UNC5C: variants seen among roughly 807,000 people sequenced by gnomAD.
UNC5C encodes unc-5 netrin receptor C.
A neutral mutation model predicts 99.8 loss-of-function variants in UNC5C; 47 were observed. The ratio of observed to expected loss-of-function variants is 0.47; its 90% CI spans 0.37 to 0.60. The LOEUF (loss-of-function observed/expected upper bound fraction) is 0.60. Among genes scored for constraint, UNC5C ranks in the 20% least tolerant of loss-of-function variants. UNC5C has a pLI of 0.00. For missense variants in UNC5C, 1,062 were observed against 1,165.9 expected (o/e 0.91, Z 1.30); for synonymous variants, 487 against 452.2 (o/e 1.08, Z -0.98).
At chr4:95,298,120 G>A (rs865869986) in intron 3 of UNC5C, among the ~76,000 whole-genome samples, 8 of 152,234 alleles carry the variant, frequency 5.3e-5, no homozygotes, top group South Asian at 4.1e-4. Context: ...GACCAGCCTC[G>A]GTGACATGGT....
chr4:95,181,128 A>G (rs1306610270), intron 14 of UNC5C, among the ~76,000 whole-genome samples: 2 of 152,108 alleles, frequency 1.3e-5, no homozygotes, highest in East Asian at 1.9e-4. Context: ...TTAATCCCCC[A>G]AAGTCATCTT....
intron 14 of UNC5C, among the ~76,000 whole-genome samples, chr4:95,180,128 G>T (rs1404275801): frequency 6.6e-6 from 1 of 151,276 alleles, no homozygotes; most frequent in Non-Finnish European, 1.5e-5. Context: ...GTTCTGTTTA[G>T]AACACTTACT....
At chr4:95,405,179 C>G (rs1228114938) in intron 1 of UNC5C, among the ~76,000 whole-genome samples, 1 of 152,184 alleles carries the variant, frequency 6.6e-6, no homozygotes, top group African/African-American at 2.4e-5. Flanking sequence ...AACATTCAAG[C>G]CATCTGAGGA....
intron 1 of UNC5C, among the ~76,000 whole-genome samples, chr4:95,342,633 T>A (rs1459294299): frequency 1.3e-5 from 2 of 151,436 alleles, no homozygotes; most frequent in Admixed American, 6.6e-5. Context: ...TCCTTCTGCT[T>A]GAGAAAAAGG....
chr4:95,478,223 G>GT, intron 1 of UNC5C, among the ~76,000 whole-genome samples: 1 of 151,874 alleles, frequency 6.6e-6, no homozygotes, highest in Middle Eastern at 3.4e-3. Context: ...GATAGCATCA[G>GT]TTTTTTTACT....
intron 1 of UNC5C, among the ~76,000 whole-genome samples, chr4:95,536,028 C>T (rs932813771): frequency 2.0e-5 from 3 of 150,416 alleles, no homozygotes; most frequent in Non-Finnish European, 3.0e-5. Flanking sequence ...TCAATCCATA[C>T]TCTAATGTGT....
chr4:95,397,548 C>T (rs560571300), intron 1 of UNC5C, among the ~76,000 whole-genome samples: 3 of 152,172 alleles, frequency 2.0e-5, no homozygotes, highest in South Asian at 2.1e-4. Context: ...TAATTTTTTA[C>T]GTACATCCTA....
chr4:95,366,330 T>C (rs1183821239), intron 1 of UNC5C, among the ~76,000 whole-genome samples: 1 of 152,118 alleles, frequency 6.6e-6, no homozygotes, highest in Non-Finnish European at 1.5e-5. Context: ...AAATAAAATA[T>C]GTGATCCTGA....
At chr4:95,289,651 CT>C (rs1207739390) in intron 3 of UNC5C, among the ~76,000 whole-genome samples, 1 of 151,996 alleles carries the variant, frequency 6.6e-6, no homozygotes, top group Non-Finnish European at 1.5e-5. Context: ...ATACTGTGTT[CT>C]TAAAGGGAAA....
At chr4:95,220,233 C>T in intron 7 of UNC5C, 57 bp from the exon 8 acceptor site, 1 of 1,435,666 alleles carries the variant, frequency 7.0e-7, no homozygotes, top group Admixed American at 2.4e-5. Context: ...CCACAGTACA[C>T]ATATGTATTG....
chr4:95,248,575 AG>A (rs1258276643), intron 5 of UNC5C: 2 of 455,924 alleles, frequency 4.4e-6, no homozygotes, highest in Non-Finnish European at 8.8e-6. Context: ...TTTAAGAGAC[AG>A]GACTAGCAGA....
chr4:95,520,955 A>G (rs1403979264), intron 1 of UNC5C, among the ~76,000 whole-genome samples: 1 of 152,024 alleles, frequency 6.6e-6, no homozygotes, highest in Non-Finnish European at 1.5e-5. Context: ...AGCCTGGGAA[A>G]ATAATGATGC....
At chr4:95,351,323 G>A (rs552132714) in intron 1 of UNC5C, among the ~76,000 whole-genome samples, 2 of 110,510 alleles carry the variant, frequency 1.8e-5, no homozygotes, top group African/African-American at 3.0e-5. Flanking sequence ...CCTGACTTTA[G>A]GGTTAGGCTT....
At chr4:95,234,341 C>T (rs1469918862) in intron 7 of UNC5C, among the ~76,000 whole-genome samples, 3 of 150,740 alleles carry the variant, frequency 2.0e-5, no homozygotes, top group African/African-American at 7.3e-5. Context: ...CATATATTTT[C>T]AATTATTTTC....
chr4:95,421,234 G>A (rs1017478649), intron 1 of UNC5C, among the ~76,000 whole-genome samples: 7 of 152,098 alleles, frequency 4.6e-5, no homozygotes, highest in Admixed American at 1.3e-4. Flanking sequence ...TCCTCTAAAA[G>A]TTTCTTTACT....
chr4:95,381,624 G>C (rs952678047), intron 1 of UNC5C, among the ~76,000 whole-genome samples: 1 of 152,060 alleles, frequency 6.6e-6, no homozygotes, highest in African/African-American at 2.4e-5. Context: ...ATATTAGAAT[G>C]TCACATCAAA....
At chr4:95,509,146 G>A (rs1168480168) in intron 1 of UNC5C, among the ~76,000 whole-genome samples, 1 of 151,734 alleles carries the variant, frequency 6.6e-6, no homozygotes. Context: ...ATCTGATTAA[G>A]TTTATTCTCG....
At chr4:95,292,821 A>T (rs1741527953) in intron 3 of UNC5C, among the ~76,000 whole-genome samples, 1 of 151,988 alleles carries the variant, frequency 6.6e-6, no homozygotes, top group African/African-American at 2.4e-5. Context: ...ATTTTATTTC[A>T]TTTTTTTATG....
In UNC5C at chr4:95,411,836, C is replaced by T. The variant is rs139864369; in HGVS notation, c.125-76205G>A. ...GACTAGTCATTGTGTTCCCTCCAACCGGCCCTCTCCTGCCTGTATCCACTG... is the reference window on the plus strand; with the variant it reads ...GACTAGTCATTGTGTTCCCTCCAACTGGCCCTCTCCTGCCTGTATCCACTG... On this transcript the variant is annotated intron_variant, in intron 1 of 15. Transcript: ENST00000453304. Among the ~76,000 whole-genome samples the T allele has an allele frequency of 5.9e-4, 90 of 152,228 alleles. 1 individual carries two copies. The highest frequency in any genetic ancestry group is 9.4e-4 in the African/African-American group (39 of 41,546).
Sources: allele counts gnomAD v4.1 joint callset (sites outside exome capture counted in the v4.1 genomes callset), GRCh38; gene constraint gnomAD v4.1.1; transcripts MANE v1.5; gene names NCBI Gene and HGNC (gene_info 2026-07-23, HGNC 2026-07-21).